The following PDGFB variants were observed in gnomAD, a reference collection of about 807,000 sequenced individuals.
PDGFB encodes platelet-derived growth factor subunit B.
Under a neutral mutation model 29.0 loss-of-function variants are expected in PDGFB, and 6 were observed. The observed-to-expected ratio is 0.21, with a 90% CI of 0.11 to 0.41. The LOEUF is 0.41. Among genes scored for constraint, PDGFB ranks in the 10% least tolerant of loss-of-function variants. PDGFB has a pLI of 1.00. For missense variants in PDGFB, 299 were observed against 341.8 expected (o/e 0.87, Z 0.99); for synonymous variants, 144 against 140.8 (o/e 1.02, Z -0.16).
chr22:39,237,179 C>G (rs142083280), intron 1 of PDGFB, among the ~76,000 whole-genome samples: 13 of 151,864 alleles, frequency 8.6e-5, no homozygotes, highest in Non-Finnish European at 1.8e-4. Flanking sequence ...CCTCAGGGGG[C>G]TCTCCCCGAA....
At chr22:39,229,168 T>A (rs1469115247) in intron 5 of PDGFB, among the ~76,000 whole-genome samples, 2 of 152,168 alleles carry the variant, frequency 1.3e-5, no homozygotes, top group African/African-American at 2.4e-5. Flanking sequence ...GTGATTTTTT[T>A]AAACGCTCAT....
chr22:39,228,893 A>AAAAAAAATAT (rs1184799325), intron 5 of PDGFB, among the ~76,000 whole-genome samples: 4 of 132,516 alleles, frequency 3.0e-5, no homozygotes, highest in African/African-American at 7.9e-5. Flanking sequence ...CCTCAAAAAA[A>AAAAAAAATAT]ATATATATAT....
rs914575595 is a variant in PDGFB at position 39,230,123 on chromosome 22, G to A, written c.562C>T (p.Pro188Ser). 1.2e-6 allele frequency: 2 copies of A among 1,613,778 alleles called. No homozygotes were observed. Among genetic ancestry groups the A allele is most frequent in the East Asian group, 2.2e-5 (1 of 44,902 alleles). Reference sequence around the variant, plus strand: ...GAACCCCCCGGGCTTCGGGTCACAGGCCGTGCAGCTGCCACTGTCTCACAC... The same window carrying A: ...GAACCCCCCGGGCTTCGGGTCACAGACCGTGCAGCTGCCACTGTCTCACAC... ...CKCETVAAAR[P>S]VTRSPGGSQE... The change falls in exon 5 of 7, where the codon CCT becomes TCT. Residue 188 changes from proline (P) to serine (S), a missense_variant. Coordinates refer to ENST00000331163, the MANE Select transcript of PDGFB (RefSeq NM_002608.4).
chr22:39,227,905 G>A (rs781406221), intron 5 of PDGFB, among the ~76,000 whole-genome samples: 3 of 152,202 alleles, frequency 2.0e-5, no homozygotes, highest in Non-Finnish European at 2.9e-5. Context: ...GCAGTTCAGG[G>A]ACTTGAATGG....
intron 5 of PDGFB, among the ~76,000 whole-genome samples, chr22:39,227,474 A>AC (rs200579126): frequency 1.3e-5 from 2 of 152,078 alleles, no homozygotes; most frequent in Admixed American, 1.3e-4. Flanking sequence ...ATGGCCAGAA[A>AC]CCCCCCAGCT....
intron 1 of PDGFB, among the ~76,000 whole-genome samples, chr22:39,240,676 C>A (rs1415744499): frequency 6.6e-6 from 1 of 152,182 alleles, no homozygotes; most frequent in Non-Finnish European, 1.5e-5. Context: ...TGATTGTCCA[C>A]AGGGCTCTGG....
chr22:39,231,076 C>A lies in PDGFB; in HGVS notation c.456+546G>T, dbSNP rs754477313. Reference sequence around the variant, plus strand: ...TTCCACTGTTGTCAGGGGACCTGCCCCAGCTCCGCAGTGTCTATCACCTGG... The same window carrying A: ...TTCCACTGTTGTCAGGGGACCTGCCACAGCTCCGCAGTGTCTATCACCTGG... On this transcript the variant is annotated intron_variant, in intron 4 of 6. Transcript: ENST00000331163. This position sits in a 1 kb window ranked among gnomAD's most constrained non-coding sequence, Gnocchi z 4.3. Among the ~76,000 whole-genome samples the A allele has an allele frequency of 1.3e-5, 2 of 152,190 alleles. No homozygotes were observed. Among genetic ancestry groups the A allele is most frequent in the Non-Finnish European group, 1.5e-5 (1 of 68,022 alleles).
rs755704691 is a variant in PDGFB, at chr22:39,231,668, C to G, written c.410G>C (p.Arg137Pro). The G allele has an allele frequency of 6.3e-7, 1 of 1,593,026 alleles. No individual in the cohort carries two copies. The highest frequency in any genetic ancestry group is 8.5e-7 in the Non-Finnish European group (1 of 1,170,832). The part of the protein sequence containing the change: ...VQRCSGCCNN[R>P]NVQCRPTQVQ... ...CTGGGTGGGGCGGCACTGCACGTTG[C>G]GGTTGTTGCAGCAGCCGGAGCAGCG... The change falls in exon 4 of 7, where the codon CGC becomes CCC. Residue 137 changes from arginine (R) to proline (P), a missense_variant. Coordinates refer to ENST00000331163, the MANE Select transcript of PDGFB (RefSeq NM_002608.4). This position sits in a 1 kb window ranked among gnomAD's most constrained non-coding sequence, Gnocchi z 4.3.
rs1238420167 is a variant in PDGFB at position 39,243,810 on chromosome 22, A to G, written c.63+91T>C. On this transcript the variant is annotated intron_variant, in intron 1 of 6. Transcript: ENST00000331163. The surrounding 1 kb of genome is among the most constrained non-coding windows in gnomAD (Gnocchi z 6.4). ...TCAGGCTCGCGGGCTGCAAGGGTCCAAAGTTCACTGCAGGGAGAGGAGGGG... is the reference window on the plus strand; with the variant it reads ...TCAGGCTCGCGGGCTGCAAGGGTCCGAAGTTCACTGCAGGGAGAGGAGGGG... The G allele has an allele frequency of 4.6e-6, 5 of 1,095,816 alleles. No homozygotes were observed. Among genetic ancestry groups the G allele is most frequent in the Non-Finnish European group, 6.6e-6 (5 of 754,854 alleles). 67.9% of individuals were successfully genotyped at this position (1,095,816 alleles called of 1,614,324 possible).
At chr22:39,241,112 T>C (rs1238984129) in intron 1 of PDGFB, 2 of 589,612 alleles carry the variant, frequency 3.4e-6, no homozygotes, top group Non-Finnish European at 3.0e-6. Flanking sequence ...GGCCCTTCAC[T>C]CTTTCCCGGA....
intron 1 of PDGFB, among the ~76,000 whole-genome samples, chr22:39,236,688 G>T (rs560687377): frequency 2.0e-5 from 3 of 152,134 alleles, no homozygotes; most frequent in Non-Finnish European, 4.4e-5. Context: ...TCACAGCCAC[G>T]TCCCCCACAG....
chr22:39,229,940 T>C, intron 5 of PDGFB, 144 bp downstream of exon 5: 2 of 1,002,700 alleles, frequency 2.0e-6, no homozygotes, highest in South Asian at 3.2e-5. Context: ...GGAACCTGGC[T>C]TGTGTCTCAG....
At chr22:39,236,777 C>G (rs1464492623) in intron 1 of PDGFB, among the ~76,000 whole-genome samples, 1 of 152,210 alleles carries the variant, frequency 6.6e-6, no homozygotes, top group Non-Finnish European at 1.5e-5. Flanking sequence ...AATCACAATC[C>G]AGACCACCAG....
chr22:39,240,492 T>C (rs1050981786), intron 1 of PDGFB, among the ~76,000 whole-genome samples: 1 of 130,760 alleles, frequency 7.6e-6, no homozygotes, highest in African/African-American at 2.6e-5. Context: ...ACAGACATGC[T>C]TCTCTCTCAA....
At chr22:39,234,621 A>G (rs990288719) in intron 2 of PDGFB, among the ~76,000 whole-genome samples, 46 of 152,368 alleles carry the variant, frequency 3.0e-4, no homozygotes, top group African/African-American at 1.1e-3. Context: ...CCCTACGTCA[A>G]CGAGCCTATC....
intron 1 of PDGFB, among the ~76,000 whole-genome samples, chr22:39,237,678 T>C (rs1243959473): frequency 6.6e-6 from 1 of 152,182 alleles, no homozygotes; most frequent in East Asian, 1.9e-4. Flanking sequence ...TGGTCTCCAG[T>C]GAACACCAGC....
At chr22:39,225,958 G>T in intron 5 of PDGFB, 111 bp from the exon 6 acceptor site, 1 of 1,276,820 alleles carries the variant, frequency 7.8e-7, no homozygotes, top group South Asian at 1.5e-5. Context: ...GACAGGAGGG[G>T]AATCTGGACC....
rs1296412572 is a variant in PDGFB, at chr22:39,244,016, C to A, written c.-53G>T. On this transcript the variant is annotated 5_prime_UTR_variant, in exon 1 of 7. Transcript: ENST00000331163. The surrounding 1 kb of genome is among the most constrained non-coding windows in gnomAD (Gnocchi z 4.5). Reference sequence around the variant, plus strand: ...CCCCGGACGCGTAGATCGAGCGCGCCGCCCCCGCGGCCAGGGTGGGGGGCT... The same window carrying A: ...CCCCGGACGCGTAGATCGAGCGCGCAGCCCCCGCGGCCAGGGTGGGGGGCT... The A allele has an allele frequency of 1.5e-6, 2 of 1,311,632 alleles. No homozygotes were observed. The highest frequency in any genetic ancestry group is 2.1e-6 in the Non-Finnish European group (2 of 955,124). 81.2% of individuals were successfully genotyped at this position (1,311,632 alleles called of 1,614,324 possible).
intron 5 of PDGFB, among the ~76,000 whole-genome samples, chr22:39,229,839 G>A (rs1315816703): frequency 2.0e-5 from 3 of 152,204 alleles, no homozygotes; most frequent in Admixed American, 6.5e-5. Flanking sequence ...AGGCCTGCCC[G>A]GCGGGGGTGG....
Sources: allele counts gnomAD v4.1 joint callset (sites outside exome capture counted in the v4.1 genomes callset), GRCh38; gene constraint gnomAD v4.1.1; non-coding constraint Gnocchi (gnomAD v3.1); transcripts MANE v1.5; gene names NCBI Gene and HGNC (gene_info 2026-07-23, HGNC 2026-07-21).